The following TLE1 variants were observed in gnomAD, a reference collection of about 807,000 sequenced individuals.
TLE1 encodes TLE family member 1, transcriptional corepressor, also known as transducin-like enhancer protein 1.
In TLE1, 21 loss-of-function variants were observed where a neutral mutation model predicts 89.8. That is an observed-to-expected ratio of 0.23 (90% CI 0.17 to 0.34). The LOEUF is 0.34. Among genes scored for constraint, TLE1 ranks in the 10% least tolerant of loss-of-function variants. The pLI, the probability that TLE1 is intolerant of heterozygous loss-of-function variation, is 1.00. For synonymous variants in TLE1, 447 were observed against 407.6 expected, an observed-to-expected ratio of 1.10 and a Z score of -1.16; for missense variants, 795 against 1,031.2, an observed-to-expected ratio of 0.77 and a Z score of 3.14.
rs1422972225 is a variant in TLE1, at chr9:81,689,147, C to CTT, written c.-909_-908dup. On this transcript the variant is annotated 5_prime_UTR_variant, in exon 1 of 20. Coordinates refer to ENST00000376499, the MANE Select transcript of TLE1 (RefSeq NM_005077.5). ...TCTTCCGAGCTCCTTCTTCCTCGGT[C>CTT]TTCTTTCTTTCCTTCCTTCACCTTC... 3 of 152,388 alleles carry CTT rather than the reference C, an allele frequency of 2.0e-5. No individual in the cohort carries two copies. The highest frequency in any genetic ancestry group is 4.4e-5 in the Non-Finnish European group (3 of 68,176). The allele number at this position is 152,388 out of a possible 1,614,324, so 9.4% of individuals were successfully genotyped here.
At chr9:81,683,374 A>G (rs1833862997) in intron 4 of TLE1, among the ~76,000 whole-genome samples, 2 of 152,050 alleles carry the variant, frequency 1.3e-5, no homozygotes, top group African/African-American at 4.8e-5. Flanking sequence ...TTCCCCCTAG[A>G]GAGAATTCCT....
chr9:81,675,993 C>A (rs985599276), intron 4 of TLE1, among the ~76,000 whole-genome samples: 6 of 152,160 alleles, frequency 3.9e-5, no homozygotes, highest in African/African-American at 1.4e-4. Flanking sequence ...GCCACCACAC[C>A]AGGCCGACCC....
intron 6 of TLE1, among the ~76,000 whole-genome samples, chr9:81,641,538 C>T (rs1828116503): frequency 6.6e-6 from 1 of 152,048 alleles, no homozygotes. Flanking sequence ...CAAACCATAC[C>T]TCAAATAAGA....
chr9:81,588,968 A>T (rs376966361), intron 16 of TLE1, among the ~76,000 whole-genome samples: 1 of 152,168 alleles, frequency 6.6e-6, no homozygotes, highest in Admixed American at 6.5e-5. Context: ...CCTAAATTCT[A>T]AGCCAAGACG....
intron 6 of TLE1, among the ~76,000 whole-genome samples, chr9:81,634,999 G>C (rs1827189534): frequency 1.3e-5 from 2 of 152,164 alleles, no homozygotes; most frequent in Non-Finnish European, 2.9e-5. Context: ...CTGTGAGGAA[G>C]TATTGCAATT....
chr9:81,655,849 T>C (rs1407649444), intron 4 of TLE1, among the ~76,000 whole-genome samples: 2 of 82,836 alleles, frequency 2.4e-5, no homozygotes, highest in Admixed American at 1.1e-4. Context: ...CAAGACCCTG[T>C]CTCAAAAAAA....
At chr9:81,596,768 T>C (rs766650627) in intron 14 of TLE1, among the ~76,000 whole-genome samples, 13 of 152,154 alleles carry the variant, frequency 8.5e-5, no homozygotes, top group Non-Finnish European at 5.9e-5. Flanking sequence ...GTGGTTAACC[T>C]TGGTGACTGC....
intron 4 of TLE1, among the ~76,000 whole-genome samples, chr9:81,673,049 G>A (rs1832424866): frequency 6.6e-6 from 1 of 151,878 alleles, no homozygotes; most frequent in Non-Finnish European, 1.5e-5. Flanking sequence ...GAGGGAGGCA[G>A]ATTACTTGAG....
intron 17 of TLE1, among the ~76,000 whole-genome samples, chr9:81,585,917 C>A (rs951302837): frequency 3.9e-4 from 59 of 151,814 alleles, no homozygotes; most frequent in African/African-American, 1.4e-3. Flanking sequence ...TTCATCTGTA[C>A]ATTTTAAAGG....
chr9:81,644,291 T>C (rs1301007668), intron 6 of TLE1, among the ~76,000 whole-genome samples: 1 of 152,322 alleles, frequency 6.6e-6, no homozygotes, highest in East Asian at 1.9e-4. Context: ...AGCAGCATTA[T>C]TCAAAATAGC....
chr9:81,683,799 C>T (rs1006078866), intron 4 of TLE1, among the ~76,000 whole-genome samples: 3 of 152,018 alleles, frequency 2.0e-5, no homozygotes, highest in African/African-American at 4.8e-5. Flanking sequence ...TACAGGCTCA[C>T]GGACAGACAG....
At chr9:81,660,979 A>AC (rs997585124) in intron 4 of TLE1, among the ~76,000 whole-genome samples, 1 of 59,478 alleles carries the variant, frequency 1.7e-5, no homozygotes, top group South Asian at 4.6e-4. Flanking sequence ...ACACACACAC[A>AC]TTTAGCCTGG....
intron 4 of TLE1, among the ~76,000 whole-genome samples, chr9:81,683,222 A>AT (rs58069135): frequency 0.033 from 4,626 of 139,282 alleles, 193 homozygotes; most frequent in African/African-American, 0.098. Context: ...CCATCACTGC[A>AT]TTTTTTTTTT....
intron 4 of TLE1, among the ~76,000 whole-genome samples, chr9:81,655,195 C>A (rs1352717467): frequency 6.6e-6 from 1 of 152,008 alleles, no homozygotes; most frequent in East Asian, 1.9e-4. Context: ...GAAACCCCGT[C>A]TCTACTCAAA....
rs146691736 is a variant in TLE1 at position 81,590,940 on chromosome 9, C to T, written c.1694G>A (p.Arg565His). ...SIWDLAAPTP[R>H]IKAELTSSAP... The stretch of plus-strand genomic sequence containing the variant: ...CGAGGACGTCAGCTCCGCCTTGATG[C>T]GCGGGGTTGGAGCCGCCAGGTCCCA... Residue 565 changes from arginine (R) to histidine (H), a missense_variant, in exon 16 of 20, where the codon CGC (arginine) becomes CAC (histidine). Physicochemically the swap from Arg to His is conservative, Grantham distance 29 (BLOSUM62 0). Transcript: ENST00000376499. 4.3e-6 allele frequency: 7 copies of T among 1,614,250 alleles called. No homozygotes were observed. The highest frequency in any genetic ancestry group is 1.1e-5 in the South Asian group (1 of 91,090).
chr9:81,628,564 G>A (rs1423559348), intron 8 of TLE1, among the ~76,000 whole-genome samples: 1 of 152,032 alleles, frequency 6.6e-6, no homozygotes, highest in African/African-American at 2.4e-5. Flanking sequence ...CTAGGATTTG[G>A]TCCTGCCTCT....
chr9:81,612,351 A>T, intron 12 of TLE1: 1 of 1,003,330 alleles, frequency 1.0e-6, no homozygotes. Flanking sequence ...TTTCAGTCCG[A>T]ACTTTCCATT....
rs1228290381 is a variant in TLE1 at position 81,675,419 on chromosome 9, A to G, written c.234+10257T>C. 2.0e-5 allele frequency among the ~76,000 whole-genome samples: 3 copies of G among 152,160 alleles called. No homozygotes were observed. The East Asian group carries it at 5.8e-4, about 29-fold the overall frequency. ...TTGAGAGAAGCTTGTCATGCAATTC[A>G]TCTACACTCTATTGGCAGCTGCAGT... On this transcript the variant is annotated intron_variant, in intron 4 of 19. Coordinates refer to ENST00000376499, the MANE Select transcript of TLE1 (RefSeq NM_005077.5).
At chr9:81,668,508 A>T (rs955205646) in intron 4 of TLE1, among the ~76,000 whole-genome samples, 5 of 152,176 alleles carry the variant, frequency 3.3e-5, no homozygotes, top group East Asian at 3.8e-4. Flanking sequence ...AATACAAATT[A>T]CTTCTTTACC....
Sources: allele counts gnomAD v4.1 joint callset (sites outside exome capture counted in the v4.1 genomes callset), GRCh38; gene constraint gnomAD v4.1.1; transcripts MANE v1.5; gene names NCBI Gene and HGNC (gene_info 2026-07-23, HGNC 2026-07-21).